The following NHSL2 variants were observed in gnomAD, a reference collection of about 807,000 sequenced individuals.
NHSL2 encodes the protein NHS like 2, also known as NHS-like protein 2.
NHSL2 carries 27 observed loss-of-function variants against 53.4 expected under a neutral mutation model. That is an observed-to-expected ratio of 0.51 (90% confidence interval 0.37 to 0.70). The LOEUF (loss-of-function observed/expected upper bound fraction) is 0.70. Ranked by LOEUF, NHSL2 falls within the 30% of genes least tolerant of loss-of-function variation. NHSL2 has a pLI of 0.00. For missense variants in NHSL2, 892 were observed against 980.1 expected (o/e 0.91, Z 1.20); for synonymous variants, 408 against 404.1 (o/e 1.01, Z -0.12).
intron 1 of NHSL2, among the ~76,000 whole-genome samples, chrX:71,986,812 G>A (rs1368804307): frequency 9.0e-6 from 1 of 111,481 alleles, no homozygotes; most frequent in African/African-American, 3.3e-5. Flanking sequence ...TTCAGTTTAT[G>A]GAAAAACTGA....
intron 1 of NHSL2, among the ~76,000 whole-genome samples, chrX:71,976,601 C>G (rs953251728): frequency 1.8e-5 from 2 of 111,605 alleles, no homozygotes; most frequent in African/African-American, 6.5e-5. Context: ...GCTATATGTT[C>G]TCACTACCTC....
At chrX:72,110,462 TTATGAAGGAATC>T (rs2042082241) in intron 1 of NHSL2, among the ~76,000 whole-genome samples, 2 of 110,237 alleles carry the variant, frequency 1.8e-5, no homozygotes, top group Admixed American at 9.7e-5. Context: ...ATGAGTAAAT[TTATGAAGGAATC>T]TAGTCACATA....
chrX:72,063,510 C>T (rs1385898731), intron 1 of NHSL2, among the ~76,000 whole-genome samples: 1 of 112,225 alleles, frequency 8.9e-6, no homozygotes, highest in African/African-American at 3.2e-5. Flanking sequence ...AGAAGTAACC[C>T]CTCAAAGCAG....
chrX:72,022,337 T>C (rs2042164196), intron 1 of NHSL2, among the ~76,000 whole-genome samples: 1 of 112,696 alleles, frequency 8.9e-6, no homozygotes, highest in Non-Finnish European at 1.9e-5. Context: ...CTGAACTTGC[T>C]TTCATTACTT....
intron 1 of NHSL2, among the ~76,000 whole-genome samples, chrX:71,919,442 G>A (rs2041645776): frequency 8.9e-6 from 1 of 112,268 alleles, no homozygotes; most frequent in African/African-American, 3.2e-5. Context: ...GAAATTCCAC[G>A]AAGCTTGCTG....
intron 1 of NHSL2, among the ~76,000 whole-genome samples, chrX:72,024,263 G>C (rs1295362345): frequency 9.0e-6 from 1 of 111,717 alleles, no homozygotes; most frequent in Non-Finnish European, 1.9e-5. Flanking sequence ...CTATGGTAGG[G>C]CTTGTAACTA....
chrX:72,066,796 A>G (rs2042432748), intron 1 of NHSL2, among the ~76,000 whole-genome samples: 1 of 111,150 alleles, frequency 9.0e-6, no homozygotes, highest in Non-Finnish European at 1.9e-5. Context: ...TATCTACCTG[A>G]CAGGGCTGGT....
chrX:72,067,078 G>C (rs916521418), intron 1 of NHSL2, among the ~76,000 whole-genome samples: 2 of 111,774 alleles, frequency 1.8e-5, no homozygotes, highest in Non-Finnish European at 3.8e-5. Context: ...AGGAGGTTGA[G>C]GCTTCAGTGA....
chrX:72,114,707 T>C (rs1288261446), intron 1 of NHSL2, among the ~76,000 whole-genome samples: 1 of 112,501 alleles, frequency 8.9e-6, no homozygotes, highest in Non-Finnish European at 1.9e-5. Flanking sequence ...CAAAGAGGGC[T>C]AACAACAAAA....
intron 1 of NHSL2, among the ~76,000 whole-genome samples, chrX:72,025,850 C>T (rs2042183040): frequency 8.9e-6 from 1 of 112,056 alleles, no homozygotes; most frequent in Non-Finnish European, 1.9e-5. Flanking sequence ...GAGTTCAAAT[C>T]CCAGCTATGC....
intron 1 of NHSL2, among the ~76,000 whole-genome samples, chrX:71,930,932 G>C (rs761359350): frequency 8.9e-6 from 1 of 112,106 alleles, no homozygotes; most frequent in South Asian, 3.7e-4. Context: ...GGAATTGCTG[G>C]GTCATATAGT....
At chrX:72,065,562 C>T (rs917464960) in intron 1 of NHSL2, among the ~76,000 whole-genome samples, 1 of 111,398 alleles carries the variant, frequency 9.0e-6, no homozygotes, top group Non-Finnish European at 1.9e-5. Flanking sequence ...GGTTTGGGAA[C>T]AGCAGGTAGA....
chrX:71,989,231 G>T (rs5991899), intron 1 of NHSL2, among the ~76,000 whole-genome samples: 6 of 107,566 alleles, frequency 5.6e-5, no homozygotes, highest in Non-Finnish European at 1.1e-4. Context: ...CGCCTATAGT[G>T]CCAGCTACTC....
At position 72,139,128 on chromosome X, in the gene NHSL2, C is replaced by T. The variant is rs1444977355; in HGVS notation, c.1580C>T (p.Ala527Val). ...KANEACALPF[A>V]STSSEGSNSA... ...AATGAGGCCTGTGCCCTGCCTTTTG[C>T]CAGTACGAGCTCTGAGGGCAGTAAC... The change falls in exon 6 of 8, where the codon GCC becomes GTC. Residue 527 changes from alanine to valine, a missense_variant. By Grantham distance (64) the Ala-to-Val change is moderately conservative (BLOSUM62 0). Transcript: ENST00000633930. 2 of 1,169,993 alleles carry T rather than the reference C, an allele frequency of 1.7e-6. No individual in the cohort carries two copies. The highest frequency in any genetic ancestry group is 2.3e-6 in the Non-Finnish European group (2 of 874,261).
rs1452917059 is a variant in NHSL2 at position 72,093,851 on chromosome X, A to G, written c.281-38228A>G. On this transcript the variant is annotated intron_variant, in intron 1 of 7. Transcript: ENST00000633930. ...GGCTGGAGTGCAGTGGCATGATCTC[A>G]GCTCGCTGCAGCCTCTACCTCCTGG... 2.8e-5 allele frequency among the ~76,000 whole-genome samples: 3 copies of G among 107,991 alleles called. No homozygotes were observed. In the East Asian group the frequency reaches 8.7e-4, roughly 31 times the overall value. 93.8% of individuals were successfully genotyped at this position (107,991 alleles called of 115,157 possible). A position where few individuals can be genotyped will look rare whatever the true frequency, so the allele number is the denominator to read the frequency against.
intron 1 of NHSL2, among the ~76,000 whole-genome samples, chrX:71,976,313 A>C (rs1204407767): frequency 8.9e-6 from 1 of 111,949 alleles, no homozygotes; most frequent in Non-Finnish European, 1.9e-5. Flanking sequence ...CTGTTTCCTT[A>C]CCTGCAAAAT....
chrX:72,087,767 G>A (rs1238110627), intron 1 of NHSL2, among the ~76,000 whole-genome samples: 1 of 111,972 alleles, frequency 8.9e-6, no homozygotes, highest in Non-Finnish European at 1.9e-5. Flanking sequence ...AGCTACTCGG[G>A]AGGCTGAGGC....
intron 1 of NHSL2, among the ~76,000 whole-genome samples, chrX:72,081,271 G>A (rs1261407750): frequency 2.7e-5 from 3 of 112,339 alleles, no homozygotes; most frequent in Non-Finnish European, 3.8e-5. Context: ...TGCGGTCTGC[G>A]TGGGGCCTCA....
At chrX:72,055,386 C>A (rs1167755843) in intron 1 of NHSL2, among the ~76,000 whole-genome samples, 1 of 112,303 alleles carries the variant, frequency 8.9e-6, no homozygotes, top group African/African-American at 3.2e-5. Flanking sequence ...GCATGTAGCC[C>A]AGAAATCGAT....
Sources: allele counts gnomAD v4.1 joint callset (sites outside exome capture counted in the v4.1 genomes callset), GRCh38; gene constraint gnomAD v4.1.1; transcripts MANE v1.5; gene names NCBI Gene and HGNC (gene_info 2026-07-23, HGNC 2026-07-21).